The following GRB10 variants were observed in gnomAD, a reference collection of about 807,000 sequenced individuals.
GRB10 encodes the protein growth factor receptor bound protein 10.
A neutral mutation model predicts 80.9 loss-of-function variants in GRB10; 20 were observed. That is an observed-to-expected ratio of 0.25 (90% CI 0.17 to 0.36). The LOEUF is 0.36. Among genes scored for constraint, GRB10 ranks in the 10% least tolerant of loss-of-function variants. The probability of loss-of-function intolerance (pLI) is 1.00; values close to 1 mark genes in which losing one functional copy is unlikely to be tolerated. For missense variants in GRB10, 548 were observed against 747.7 expected (o/e 0.73, Z 3.12); for synonymous variants, 291 against 291.5 (o/e 1.00, Z 0.02).
intron 5 of GRB10, among the ~76,000 whole-genome samples, chr7:50,690,549 G>A (rs1011446353): frequency 2.0e-5 from 3 of 152,168 alleles, no homozygotes; most frequent in Non-Finnish European, 2.9e-5. Context: ...GGACGGAAAC[G>A]GTCCATATGT....
At chr7:50,765,658 TA>T (rs1054139601) in intron 2 of GRB10, among the ~76,000 whole-genome samples, 6 of 151,914 alleles carry the variant, frequency 3.9e-5, no homozygotes, top group Admixed American at 1.3e-4. Flanking sequence ...TATGGAGGAT[TA>T]AAAAAAAGTT....
At chr7:50,689,464 G>A (rs2062518109) in intron 5 of GRB10, among the ~76,000 whole-genome samples, 1 of 152,096 alleles carries the variant, frequency 6.6e-6, no homozygotes, top group South Asian at 2.1e-4. Context: ...AAGTTGAAGG[G>A]GTTAAGTGGC....
At chr7:50,600,112 C>T (rs951057752) in intron 17 of GRB10, among the ~76,000 whole-genome samples, 12 of 152,182 alleles carry the variant, frequency 7.9e-5, no homozygotes, top group Non-Finnish European at 1.3e-4. Context: ...CTCCCACACA[C>T]GGCAAGGGTA....
chr7:50,666,069 C>G (rs773949208), intron 7 of GRB10, among the ~76,000 whole-genome samples: 4 of 152,214 alleles, frequency 2.6e-5, no homozygotes, highest in Non-Finnish European at 5.9e-5. Context: ...GCTGCATGCT[C>G]TGGGATCCCC....
chr7:50,621,246 G>C (rs542750518), intron 8 of GRB10, among the ~76,000 whole-genome samples: 3 of 152,238 alleles, frequency 2.0e-5, no homozygotes, highest in Non-Finnish European at 4.4e-5. Context: ...CACACAGGGG[G>C]ACGTGTCCCT....
intron 7 of GRB10, among the ~76,000 whole-genome samples, chr7:50,638,619 A>AG (rs1415189007): frequency 6.6e-6 from 1 of 152,242 alleles, no homozygotes; most frequent in Non-Finnish European, 1.5e-5. Context: ...TGTGGAGAAA[A>AG]GGAAAGCCAA....
At chr7:50,781,700 G>T (rs1010176742) in intron 1 of GRB10, among the ~76,000 whole-genome samples, 9 of 152,206 alleles carry the variant, frequency 5.9e-5, no homozygotes, top group African/African-American at 1.9e-4. Flanking sequence ...AATGGCAGCC[G>T]ACCAAGGAGG....
At chr7:50,703,763 C>T (rs956237705) in intron 5 of GRB10, 58 bp downstream of exon 5, 1 of 1,175,300 alleles carries the variant, frequency 8.5e-7, no homozygotes, top group Non-Finnish European at 1.3e-6. Flanking sequence ...AATATCAGAT[C>T]TGGGCACTGC....
intron 4 of GRB10, among the ~76,000 whole-genome samples, chr7:50,708,623 G>A (rs919448814): frequency 1.3e-5 from 2 of 150,914 alleles, no homozygotes; most frequent in East Asian, 1.9e-4. Context: ...TCCCAGCCTC[G>A]CCCATTGTGG....
intron 7 of GRB10, among the ~76,000 whole-genome samples, chr7:50,645,340 T>C (rs1364812781): frequency 1.3e-5 from 2 of 152,154 alleles, no homozygotes. Context: ...CTGGCAGCCC[T>C]TGGACTCCCA....
At position 50,700,497 on chromosome 7, in the gene GRB10, T is replaced by C. The variant is rs2064034109; in HGVS notation, c.139+3324A>G. Among the ~76,000 whole-genome samples the C allele has an allele frequency of 2.6e-5, 4 of 152,238 alleles. No individual in the cohort carries two copies. The South Asian group carries it at 8.3e-4, about 31-fold the overall frequency. ...TGGTGTTTGATTTTGTTCCTATTGG[T>C]ACTCTGTTTCAACAATTTCTGACTT... On this transcript the variant is annotated intron_variant, in intron 5 of 18. Transcript: ENST00000401949.
At chr7:50,773,847 A>G (rs1036215551) in intron 2 of GRB10, among the ~76,000 whole-genome samples, 5 of 152,174 alleles carry the variant, frequency 3.3e-5, no homozygotes, top group Non-Finnish European at 5.9e-5. Context: ...AAGGGAATTT[A>G]TTTGTTTGTT....
At chr7:50,650,193 G>A (rs2057831248) in intron 7 of GRB10, among the ~76,000 whole-genome samples, 1 of 152,210 alleles carries the variant, frequency 6.6e-6, no homozygotes, top group African/African-American at 2.4e-5. Context: ...AAGTTTCTAG[G>A]AATCAAAGCT....
At position 50,626,997 on chromosome 7, in the gene GRB10, A is replaced by G; in HGVS notation, c.505-19T>C. 1 of 1,613,320 alleles carries G rather than the reference A, an allele frequency of 6.2e-7. No individual in the cohort carries two copies. Among genetic ancestry groups the G allele is most frequent in the Non-Finnish European group, 8.5e-7 (1 of 1,179,276 alleles). On this transcript the variant is annotated intron_variant, in intron 7 of 18. Transcript: ENST00000401949. ...TAACATCCTGCAACACACAAAGGGG[A>G]TAGTTACAGATAAACAACTTCGGGC...
chr7:50,787,268 C>CAGGAGGAGGAGG (rs56235564), upstream of GRB10, among the ~76,000 whole-genome samples: 5 of 148,788 alleles, frequency 3.4e-5, no homozygotes, highest in African/African-American at 1.2e-4. Flanking sequence ...CTCTGGAGAG[C>CAGGAGGAGGAGG]AGGAGGAGGA....
intron 5 of GRB10, among the ~76,000 whole-genome samples, chr7:50,675,871 G>C (rs1024705777): frequency 4.0e-4 from 61 of 152,296 alleles, no homozygotes; most frequent in African/African-American, 1.4e-3. Flanking sequence ...TGCAGCTTCC[G>C]GTGCTTCCTA....
chr7:50,716,109 A>G (rs187536507), intron 4 of GRB10, among the ~76,000 whole-genome samples: 2 of 152,358 alleles, frequency 1.3e-5, no homozygotes, highest in East Asian at 3.9e-4. Context: ...CATGTAAGGA[A>G]AATACCAAGA....
chr7:50,790,645 C>G (rs879435001), intron 1 of GRB10, among the ~76,000 whole-genome samples: 10 of 152,252 alleles, frequency 6.6e-5, no homozygotes, highest in Non-Finnish European at 1.3e-4. Context: ...ACCCTAGATA[C>G]AAGCTCAAAT....
chr7:50,728,667 TAAA>T (rs1270423156), intron 4 of GRB10, among the ~76,000 whole-genome samples: 1 of 152,164 alleles, frequency 6.6e-6, no homozygotes, highest in Non-Finnish European at 1.5e-5. Context: ...CAAGTTCCAA[TAAA>T]ACTTTAATTT....
Sources: gnomAD v4.1 joint callset for allele counts (sites outside exome capture counted in the v4.1 genomes callset) on GRCh38, gnomAD v4.1.1 for gene constraint, MANE v1.5 for transcripts, NCBI Gene and HGNC (gene_info 2026-07-23, HGNC 2026-07-21) for gene names.